Variants in CACNB4 observed in about 807,000 individuals in gnomAD.
CACNB4 encodes the protein calcium voltage-gated channel auxiliary subunit beta 4, also known as voltage-dependent L-type calcium channel subunit beta-4.
CACNB4 carries 32 observed loss-of-function variants against 71.2 expected under a neutral mutation model. That is an observed-to-expected ratio of 0.45 (90% CI 0.34 to 0.60). The LOEUF is 0.60. Among genes scored for constraint, CACNB4 ranks in the 20% least tolerant of loss-of-function variants. The probability of loss-of-function intolerance (pLI) is 0.01; values close to 1 mark genes in which losing one functional copy is unlikely to be tolerated. For missense variants in CACNB4, 464 were observed against 647.9 expected (o/e 0.72, Z 3.08); for synonymous variants, 231 against 236.9 (o/e 0.97, Z 0.23).
In CACNB4 at chr2:152,098,572, C is replaced by CAA; in HGVS notation, c.64-160_64-159insTT. 1 of 851,114 alleles carries CAA rather than the reference C, an allele frequency of 1.2e-6. No individual in the cohort carries two copies. Among genetic ancestry groups the CAA allele is most frequent in the Non-Finnish European group, 2.0e-6 (1 of 507,422 alleles). 52.7% of individuals were successfully genotyped at this position (851,114 alleles called of 1,614,324 possible). On this transcript the variant is annotated intron_variant, in intron 1 of 13. Coordinates refer to ENST00000539935, the MANE Select transcript of CACNB4 (RefSeq NM_000726.5). This position sits in a 1 kb window ranked among gnomAD's most constrained non-coding sequence, Gnocchi z 5.3. ...CGCGACTCCCAAATACAGCCCCCAC[C>CAA]CCCACCCACCCACTGCAAGCCTCGA...
rs373222155 is a variant in CACNB4 at position 152,098,958 on chromosome 2, G to T, written c.54C>A (p.Pro18=). ...GAGGAGGGGGCGGTACCTGCGAGGT[G>T]GGGGAGTGCGGCCCGTCCGCGGTCC... ...KNGTADGPHS[P]TSQVARGTTT... Residue 18 remains proline, a synonymous_variant, in exon 1 of 14, where the codon CCC becomes CCA. Transcript: ENST00000539935. This position sits in a 1 kb window ranked among gnomAD's most constrained non-coding sequence, Gnocchi z 5.3. The T allele has an allele frequency of 4.5e-5, 69 of 1,522,480 alleles. No individual in the cohort carries two copies. The African/African-American group carries it at 8.9e-4, about 20-fold the overall frequency. 94.3% of individuals were successfully genotyped at this position (1,522,480 alleles called of 1,614,324 possible).
At chr2:152,009,505 C>A (rs943410622) in intron 2 of CACNB4, among the ~76,000 whole-genome samples, 1 of 152,028 alleles carries the variant, frequency 6.6e-6, no homozygotes, top group African/African-American at 2.4e-5. Context: ...ATGTTACTAA[C>A]GGGGGAAACT....
At chr2:151,882,848 T>G in intron 3 of CACNB4, 6 of 246,600 alleles carry the variant, frequency 2.4e-5, no homozygotes, top group East Asian at 1.0e-4. Context: ...GAGAGAAGAG[T>G]AGAGAAACAA....
chr2:151,889,241 G>C (rs1020050079), intron 2 of CACNB4, among the ~76,000 whole-genome samples: 1 of 152,136 alleles, frequency 6.6e-6, no homozygotes, highest in Admixed American at 6.5e-5. Context: ...GGCCGAGGCA[G>C]ACGGATCACC....
chr2:151,871,416 A>C (rs2099844601), intron 6 of CACNB4: 2 of 152,840 alleles, frequency 1.3e-5, no homozygotes, highest in South Asian at 4.1e-4. Flanking sequence ...TATTCCTCAG[A>C]TAAATTTATA....
chr2:151,876,781 T>C (rs926196464), intron 4 of CACNB4, among the ~76,000 whole-genome samples: 4 of 144,010 alleles, frequency 2.8e-5, no homozygotes, highest in East Asian at 2.0e-4. Context: ...TTATATACTA[T>C]ACTATATACT....
intron 2 of CACNB4, among the ~76,000 whole-genome samples, chr2:152,023,496 G>A (rs903079099): frequency 9.9e-5 from 15 of 152,090 alleles, no homozygotes; most frequent in Middle Eastern, 3.4e-3. Flanking sequence ...ATGCAATGGC[G>A]CGATCTCAGC....
At chr2:151,938,638 G>A (rs759465514) in intron 2 of CACNB4, among the ~76,000 whole-genome samples, 1 of 152,152 alleles carries the variant, frequency 6.6e-6, no homozygotes, top group African/African-American at 2.4e-5. Flanking sequence ...GAATGTCATC[G>A]AGAATACAAG....
rs185499387 is a variant in CACNB4 at position 151,986,125 on chromosome 2, G to A, written c.148-102755C>T. On this transcript the variant is annotated intron_variant, in intron 2 of 13. Coordinates refer to ENST00000539935, the MANE Select transcript of CACNB4 (RefSeq NM_000726.5). ...TCCCTAAGCTATCATCTTGTTCTACGGTACTGACCTTACATCAAAATAAAG... is the reference window on the plus strand; with the variant it reads ...TCCCTAAGCTATCATCTTGTTCTACAGTACTGACCTTACATCAAAATAAAG... Among the ~76,000 whole-genome samples, 6 of 152,174 alleles carry A rather than the reference G, an allele frequency of 3.9e-5. No individual in the cohort carries two copies. In the South Asian group the frequency reaches 1.0e-3, roughly 26 times the overall value.
intron 3 of CACNB4, among the ~76,000 whole-genome samples, chr2:151,882,607 A>C (rs2099848212): frequency 6.6e-6 from 1 of 152,198 alleles, no homozygotes; most frequent in African/African-American, 2.4e-5. Flanking sequence ...CAAAGTTGGA[A>C]GCACATGGAA....
At chr2:151,903,264 A>G (rs879593482) in intron 2 of CACNB4, among the ~76,000 whole-genome samples, 10 of 152,166 alleles carry the variant, frequency 6.6e-5, no homozygotes, top group Admixed American at 1.3e-4. Flanking sequence ...CTGTAATCCC[A>G]GCACTTTGGG....
intron 2 of CACNB4, among the ~76,000 whole-genome samples, chr2:152,055,702 A>T (rs1393413586): frequency 6.6e-6 from 1 of 152,322 alleles, no homozygotes; most frequent in South Asian, 2.1e-4. Context: ...ATTAATCCTT[A>T]AAATAGCTTT....
At chr2:151,912,155 C>T (rs1032685413) in intron 2 of CACNB4, among the ~76,000 whole-genome samples, 14 of 151,944 alleles carry the variant, frequency 9.2e-5, no homozygotes, top group African/African-American at 3.1e-4. Flanking sequence ...TGTTTTTGTG[C>T]CTCTATCTCC....
chr2:152,039,806 C>T (rs1251046681), intron 2 of CACNB4, among the ~76,000 whole-genome samples: 1 of 152,044 alleles, frequency 6.6e-6, no homozygotes, highest in African/African-American at 2.4e-5. Flanking sequence ...GAAACATAGT[C>T]GAAGGCATGA....
chr2:151,980,347 C>T (rs890895406), intron 2 of CACNB4, among the ~76,000 whole-genome samples: 3 of 152,188 alleles, frequency 2.0e-5, no homozygotes, highest in Non-Finnish European at 4.4e-5. Flanking sequence ...TTCCCCTTCA[C>T]TCTCTCCAAG....
At chr2:152,001,011 C>A (rs550464948) in intron 2 of CACNB4, among the ~76,000 whole-genome samples, 8 of 152,306 alleles carry the variant, frequency 5.3e-5, no homozygotes, top group African/African-American at 1.7e-4. Context: ...TACTGCATAC[C>A]AGACACCATG....
chr2:152,003,852 T>TA lies in CACNB4; in HGVS notation c.147+94477dup, dbSNP rs199609366. ...ATTAATAAAAAAAAAAACCTTACTT[T>TA]AAAAAAAAACCAAACAAACATGGTC... On this transcript the variant is annotated intron_variant, in intron 2 of 13. Transcript: ENST00000539935. Among the ~76,000 whole-genome samples the TA allele has an allele frequency of 4.7e-3, 705 of 151,268 alleles. 8 individuals are homozygous for TA. The highest frequency in any genetic ancestry group is 0.016 in the African/African-American group (673 of 41,272).
chr2:151,959,477 G>T (rs1380702452), intron 2 of CACNB4, among the ~76,000 whole-genome samples: 1 of 152,284 alleles, frequency 6.6e-6, no homozygotes, highest in South Asian at 2.1e-4. Flanking sequence ...TTCCACATTT[G>T]AGTTGGCTGC....
intron 2 of CACNB4, among the ~76,000 whole-genome samples, chr2:151,933,872 A>G (rs1578860265): frequency 6.8e-6 from 1 of 146,446 alleles, no homozygotes; most frequent in Admixed American, 6.6e-5. Flanking sequence ...AACTCAATAT[A>G]TAAAATTTCA....
Sources: gnomAD v4.1 joint callset for allele counts (sites outside exome capture counted in the v4.1 genomes callset) on GRCh38, gnomAD v4.1.1 for gene constraint, Gnocchi (gnomAD v3.1) non-coding constraint, MANE v1.5 for transcripts, NCBI Gene and HGNC (gene_info 2026-07-23, HGNC 2026-07-21) for gene names.